Variants in CPB1 observed in about 807,000 individuals in gnomAD.
The protein encoded by CPB1 is carboxypeptidase B.
In CPB1, 53 loss-of-function variants were observed where a neutral mutation model predicts 51.4. The ratio of observed to expected loss-of-function variants is 1.03; its 90% CI spans 0.83 to 1.30. The LOEUF (loss-of-function observed/expected upper bound fraction) is 1.30. CPB1 is among the 50% of genes most tolerant of loss of function. The pLI is 0.00. For synonymous variants in CPB1, 189 were observed against 186.9 expected (o/e 1.01, Z -0.09); for missense variants, 494 against 516.2 (o/e 0.96, Z 0.42).
intron 6 of CPB1, among the ~76,000 whole-genome samples, chr3:148,843,053 C>T (rs1713134443): frequency 6.6e-6 from 1 of 152,104 alleles, no homozygotes; most frequent in South Asian, 2.1e-4. Context: ...CACAAAAAGA[C>T]TGAAGACCTG....
chr3:148,834,921 G>A (rs1445100588), intron 3 of CPB1, among the ~76,000 whole-genome samples: 4 of 152,170 alleles, frequency 2.6e-5, no homozygotes, highest in African/African-American at 9.7e-5. Flanking sequence ...CTAGCCAATG[G>A]ATACTCTATT....
intron 3 of CPB1, 121 bp from the exon 4 acceptor site, chr3:148,840,565 T>G: frequency 2.3e-4 from 178 of 782,406 alleles, no homozygotes; most frequent in Middle Eastern, 3.5e-4. Context: ...GAGGACAACA[T>G]GAGAATTTAT....
At chr3:148,845,952 C>T (rs948974927) in intron 9 of CPB1, among the ~76,000 whole-genome samples, 10 of 152,112 alleles carry the variant, frequency 6.6e-5, no homozygotes, top group African/African-American at 2.4e-4. Flanking sequence ...GTTGCTTGAT[C>T]ACATACATAT....
chr3:148,846,797 G>GTATATATATATA (rs368201293), intron 9 of CPB1, among the ~76,000 whole-genome samples: 6 of 50,504 alleles, frequency 1.2e-4, no homozygotes, highest in Admixed American at 5.6e-4. Context: ...GTGTGCGTGT[G>GTATATATATATA]TATATATATA....
intron 2 of CPB1, among the ~76,000 whole-genome samples, chr3:148,831,549 G>A (rs1712738875): frequency 6.6e-6 from 1 of 152,064 alleles, no homozygotes; most frequent in Non-Finnish European, 1.5e-5. Context: ...AAAAATTTCA[G>A]GTTGGCATGC....
chr3:148,857,082 T>TTTTTTTTTTTTTTTTTTTTTTTC (rs1482585693), intron 9 of CPB1: 1 of 154,820 alleles, frequency 6.5e-6, no homozygotes, highest in African/African-American at 2.4e-5. Context: ...TTTTTTTTTT[T>TTTTTTTTTTTTTTTTTTTTTTTC]TTGCTTTGTT....
intron 3 of CPB1, among the ~76,000 whole-genome samples, chr3:148,836,645 C>A (rs1219549767): frequency 6.6e-6 from 1 of 152,118 alleles, no homozygotes; most frequent in Admixed American, 6.5e-5. Flanking sequence ...CATAGGACAT[C>A]CCCTGAGGGC....
intron 6 of CPB1, among the ~76,000 whole-genome samples, chr3:148,842,816 T>C (rs1008224929): frequency 2.0e-5 from 3 of 152,192 alleles, no homozygotes; most frequent in Admixed American, 6.5e-5. Flanking sequence ...AACTAAGTGA[T>C]CAAGGTTAAC....
rs189084910 is a variant in CPB1 at position 148,840,407 on chromosome 3, G to T, written c.273-279G>T. ...GGAGCAACCATTTTCCAAGTTTAAGGTTCACAGATAGTCAAATACCTGAGG... is the reference window on the plus strand; with the variant it reads ...GGAGCAACCATTTTCCAAGTTTAAGTTTCACAGATAGTCAAATACCTGAGG... On this transcript the variant is annotated intron_variant, in intron 3 of 10. Coordinates refer to ENST00000282957, the MANE Select transcript of CPB1 (RefSeq NM_001871.3). Among the ~76,000 whole-genome samples the T allele has an allele frequency of 8.1e-4, 124 of 152,228 alleles. 1 individual carries two copies. Among genetic ancestry groups the T allele is most frequent in the African/African-American group, 2.5e-3 (104 of 41,544 alleles).
intron 3 of CPB1, among the ~76,000 whole-genome samples, chr3:148,837,885 TAACTC>T (rs1367725611): frequency 6.6e-6 from 1 of 152,088 alleles, no homozygotes; most frequent in Non-Finnish European, 1.5e-5. Flanking sequence ...AAAGTAGTAA[TAACTC>T]TAACAGAATG....
rs750694031 is a variant in CPB1, at chr3:148,844,701, T to A, written c.712T>A (p.Ser238Thr). ...TKSRFWRKTR[S>T]THTGSSCIGT... ...GAGCCGATTTTGGAGAAAGACTCGC[T>A]CCACCCATACTGGATCTAGCTGCAT... The change falls in exon 8 of 11, where the codon TCC becomes ACC. Residue 238 changes from serine (S) to threonine (T), a missense_variant. Coordinates refer to ENST00000282957, the MANE Select transcript of CPB1 (RefSeq NM_001871.3). The A allele has an allele frequency of 9.3e-6, 15 of 1,613,942 alleles. No homozygotes were observed. Among genetic ancestry groups the A allele is most frequent in the Non-Finnish European group, 1.2e-5 (14 of 1,179,858 alleles).
intron 3 of CPB1, among the ~76,000 whole-genome samples, chr3:148,834,962 T>C (rs1712854280): frequency 6.6e-6 from 1 of 152,222 alleles, no homozygotes; most frequent in African/African-American, 2.4e-5. Context: ...ACCCCAAATC[T>C]TATCAGCTCT....
chr3:148,859,958 G>C lies in CPB1; in HGVS notation c.1210G>C (p.Ala404Pro). 6.2e-7 allele frequency: 1 copy of C among 1,614,104 alleles called. No homozygotes were observed. Among genetic ancestry groups the C allele is most frequent in the Non-Finnish European group, 8.5e-7 (1 of 1,179,978 alleles). Reference protein sequence around the residue: ...IRATCEETFLAIKYVASYVLE... With the variant: ...IRATCEETFLPIKYVASYVLE... ...GGCTACCTGCGAGGAGACCTTCCTG[G>C]CAATCAAGTATGTTGCCAGCTACGT... Residue 404 changes from alanine to proline, a missense_variant, in exon 11 of 11, where the codon GCA (alanine) becomes CCA (proline). Transcript: ENST00000282957.
Position 148,857,466 on chromosome 3 carries a change from G to C in CPB1, c.991G>C (p.Ala331Pro), listed in dbSNP as rs747270485. 4 of 1,613,618 alleles carry C rather than the reference G, an allele frequency of 2.5e-6. No homozygotes were observed. The South Asian group carries it at 4.4e-5, about 18-fold the overall frequency. Residue 331 changes from alanine to proline, a missense_variant, in exon 10 of 11, where the codon GCT becomes CCT. By Grantham distance (27) the Ala-to-Pro change is conservative. Transcript: ENST00000282957. ...GENNAELNALAKATVKELASL... is the reference protein window; with the variant it reads ...GENNAELNALPKATVKELASL... Reference sequence around the variant, plus strand: ...CCTGTTTCTTTTGCAGAATGCCCTGGCTAAAGCTACTGTGAAAGAACTTGC... The same window carrying C: ...CCTGTTTCTTTTGCAGAATGCCCTGCCTAAAGCTACTGTGAAAGAACTTGC...
At chr3:148,832,689 T>A (rs1712776291) in intron 2 of CPB1, among the ~76,000 whole-genome samples, 1 of 152,198 alleles carries the variant, frequency 6.6e-6, no homozygotes, top group Admixed American at 6.5e-5. Context: ...CATCATTCGC[T>A]TTTCAGGATT....
intron 8 of CPB1, 40 bp from the exon 9 acceptor site, chr3:148,845,384 A>T (rs757928422): frequency 1.3e-6 from 2 of 1,582,132 alleles, no homozygotes; most frequent in Non-Finnish European, 1.7e-6. Flanking sequence ...CAAGAACTTC[A>T]CTAGGTGATC....
At chr3:148,843,169 T>A (rs535198661) in intron 6 of CPB1, among the ~76,000 whole-genome samples, 13 of 152,170 alleles carry the variant, frequency 8.5e-5, no homozygotes, top group Non-Finnish European at 1.9e-4. Context: ...ACTTGTGAAA[T>A]CTGAATAAAG....
intron 10 of CPB1, among the ~76,000 whole-genome samples, chr3:148,859,579 C>T (rs1352412470): frequency 1.3e-5 from 2 of 152,168 alleles, no homozygotes; most frequent in Non-Finnish European, 2.9e-5. Flanking sequence ...AGATTACGTA[C>T]TTTCTGAAGT....
intron 2 of CPB1, among the ~76,000 whole-genome samples, 178 bp downstream of exon 2, chr3:148,828,255 A>G (rs1169666231): frequency 3.9e-5 from 6 of 152,246 alleles, no homozygotes. Context: ...TTAGATTGCC[A>G]TAAGCCCTGT....
Sources: allele counts gnomAD v4.1 joint callset (sites outside exome capture counted in the v4.1 genomes callset), GRCh38; gene constraint gnomAD v4.1.1; transcripts MANE v1.5; gene names NCBI Gene and HGNC (gene_info 2026-07-23, HGNC 2026-07-21).